The following MAPKAP1 variants were observed in gnomAD, a reference collection of about 807,000 sequenced individuals.
MAPKAP1 encodes MAPK associated protein 1.
MAPKAP1 carries 20 observed loss-of-function variants against 65.7 expected under a neutral mutation model. That is an observed-to-expected ratio of 0.30 (90% CI 0.21 to 0.44). The LOEUF (loss-of-function observed/expected upper bound fraction) is 0.44, where lower values mean the gene tolerates loss of function less well. MAPKAP1 is among the 20% of genes least tolerant of loss of function. The probability of loss-of-function intolerance (pLI) is 1.00; values close to 1 mark genes in which losing one functional copy is unlikely to be tolerated. For missense variants in MAPKAP1, 423 were observed against 648.0 expected (o/e 0.65, Z 3.77); for synonymous variants, 222 against 244.3 (o/e 0.91, Z 0.85).
chr9:125,504,135 T>A (rs751531645), intron 8 of MAPKAP1, among the ~76,000 whole-genome samples: 1 of 152,160 alleles, frequency 6.6e-6, no homozygotes, highest in Non-Finnish European at 1.5e-5. Context: ...CAGACCCCAA[T>A]GTTTGAGTAT....
At chr9:125,681,123 C>G (rs1456681523) in intron 1 of MAPKAP1, among the ~76,000 whole-genome samples, 2 of 152,156 alleles carry the variant, frequency 1.3e-5, no homozygotes, top group African/African-American at 2.4e-5. Context: ...GTATCTTGCC[C>G]AAGGAGACAA....
chr9:125,673,279 A>G (rs981639880), intron 1 of MAPKAP1, among the ~76,000 whole-genome samples: 7 of 152,152 alleles, frequency 4.6e-5, no homozygotes, highest in Non-Finnish European at 1.0e-4. Context: ...CCCAGGCTGG[A>G]GTGCAGTGGC....
intron 5 of MAPKAP1, among the ~76,000 whole-genome samples, chr9:125,579,217 C>A (rs541268791): frequency 1.3e-5 from 2 of 152,322 alleles, no homozygotes; most frequent in South Asian, 4.1e-4. Context: ...AGAATTCCTG[C>A]CAAATTCTCC....
Position 125,585,747 on chromosome 9 carries a change from G to A in MAPKAP1, c.499-20C>T, listed in dbSNP as rs188994505. 22 of 1,611,152 alleles carry A rather than the reference G, an allele frequency of 1.4e-5. No homozygotes were observed. The highest frequency in any genetic ancestry group is 6.7e-5 in the Admixed American group (4 of 59,928). ...ATGACCCTGTGGACAGAACAAACACGTGAGAGCAAAGCACACTGCCAGTTA... is the reference window on the plus strand; with the variant it reads ...ATGACCCTGTGGACAGAACAAACACATGAGAGCAAAGCACACTGCCAGTTA... On this transcript the variant is annotated intron_variant, in intron 4 of 11. Transcript: ENST00000265960.
At chr9:125,567,801 T>C (rs1334008776) in intron 5 of MAPKAP1, 2 of 152,196 alleles carry the variant, frequency 1.3e-5, no homozygotes, top group African/African-American at 4.8e-5. Flanking sequence ...TGGGTAAATG[T>C]TGGGGTCCTG....
chr9:125,586,775 A>T (rs866959998), intron 4 of MAPKAP1, among the ~76,000 whole-genome samples: 2 of 152,232 alleles, frequency 1.3e-5, no homozygotes, highest in Middle Eastern at 6.8e-3. Context: ...CACCACACAG[A>T]GTATATAGAA....
chr9:125,473,409 A>T (rs1168845759), intron 9 of MAPKAP1, among the ~76,000 whole-genome samples: 1 of 152,180 alleles, frequency 6.6e-6, no homozygotes, highest in Non-Finnish European at 1.5e-5. Flanking sequence ...CAGCTTCCAG[A>T]TACAGTGAGT....
At chr9:125,626,315 C>A (rs1428182259) in intron 4 of MAPKAP1, among the ~76,000 whole-genome samples, 1 of 152,216 alleles carries the variant, frequency 6.6e-6, no homozygotes, top group Non-Finnish European at 1.5e-5. Context: ...ATGTTGGGGT[C>A]AGGGCCCTGG....
intron 7 of MAPKAP1, among the ~76,000 whole-genome samples, chr9:125,513,500 C>T (rs1252162683): frequency 6.6e-6 from 1 of 152,202 alleles, no homozygotes; most frequent in Admixed American, 6.5e-5. Context: ...AGCAGAACAT[C>T]CCTGGTGTTT....
chr9:125,492,173 C>G (rs1854760051), intron 8 of MAPKAP1, among the ~76,000 whole-genome samples: 1 of 152,156 alleles, frequency 6.6e-6, no homozygotes, highest in African/African-American at 2.4e-5. Flanking sequence ...TGCACTCCAT[C>G]CTGGGCGAGA....
chr9:125,563,563 G>A (rs907039744), intron 5 of MAPKAP1, among the ~76,000 whole-genome samples: 5 of 152,054 alleles, frequency 3.3e-5, no homozygotes, highest in Admixed American at 2.0e-4. Context: ...GTATTCTAAA[G>A]AGCAAGGATT....
intron 5 of MAPKAP1, among the ~76,000 whole-genome samples, chr9:125,581,469 C>T (rs1192100635): frequency 6.6e-6 from 1 of 152,178 alleles, no homozygotes; most frequent in Non-Finnish European, 1.5e-5. Flanking sequence ...GCTCATCTGC[C>T]ATCTGTATGC....
intron 7 of MAPKAP1, among the ~76,000 whole-genome samples, chr9:125,538,129 T>A (rs1186784641): frequency 6.6e-6 from 1 of 152,244 alleles, no homozygotes. Context: ...AAAATTTGGA[T>A]TTAATTCTAT....
chr9:125,487,718 G>A (rs1854544020), intron 8 of MAPKAP1, among the ~76,000 whole-genome samples: 1 of 151,410 alleles, frequency 6.6e-6, no homozygotes, highest in Non-Finnish European at 1.5e-5. Context: ...ATTTTTTACT[G>A]AGCAATTTCA....
intron 4 of MAPKAP1, among the ~76,000 whole-genome samples, chr9:125,636,739 G>A (rs1209332493): frequency 6.6e-6 from 1 of 152,194 alleles, no homozygotes. Flanking sequence ...GATCTGCCAG[G>A]TGATCTGCAC....
At chr9:125,530,840 C>A (rs1487059585) in intron 7 of MAPKAP1, among the ~76,000 whole-genome samples, 1 of 152,196 alleles carries the variant, frequency 6.6e-6, no homozygotes, top group Non-Finnish European at 1.5e-5. Context: ...AAACCAAAAC[C>A]TAAAGAGAAA....
At chr9:125,681,370 GA>G (rs1366958680) in intron 1 of MAPKAP1, among the ~76,000 whole-genome samples, 4 of 152,326 alleles carry the variant, frequency 2.6e-5, no homozygotes, top group East Asian at 1.9e-4. Context: ...ACTATGGGGA[GA>G]AAGAAGCTCA....
At chr9:125,573,825 T>C (rs1006997191) in intron 5 of MAPKAP1, among the ~76,000 whole-genome samples, 1 of 152,224 alleles carries the variant, frequency 6.6e-6, no homozygotes, top group South Asian at 2.1e-4. Context: ...CTTGGGGAAT[T>C]TCTCCCTGAC....
chr9:125,570,329 A>C (rs1589296607), intron 5 of MAPKAP1, among the ~76,000 whole-genome samples: 1 of 152,068 alleles, frequency 6.6e-6, no homozygotes. Flanking sequence ...AAGTTGTCCA[A>C]TTCAAAGGTT....
Sources: gnomAD v4.1 joint callset for allele counts (sites outside exome capture counted in the v4.1 genomes callset) on GRCh38, gnomAD v4.1.1 for gene constraint, MANE v1.5 for transcripts, NCBI Gene and HGNC (gene_info 2026-07-23, HGNC 2026-07-21) for gene names.